Variants in STXBP6 observed in about 807,000 individuals in gnomAD.
STXBP6 encodes syntaxin binding protein 6.
A neutral mutation model predicts 26.9 loss-of-function variants in STXBP6; 21 were observed. That is an observed-to-expected ratio of 0.78 (90% CI 0.55 to 1.12). The LOEUF (loss-of-function observed/expected upper bound fraction) is 1.12. STXBP6 is among the 50% of genes most tolerant of loss of function. The pLI, the probability that STXBP6 is intolerant of heterozygous loss-of-function variation, is 0.00. For missense variants in STXBP6, 232 were observed against 257.9 expected, an observed-to-expected ratio of 0.90 and a Z score of 0.69; for synonymous variants, 97 against 92.6, an observed-to-expected ratio of 1.05 and a Z score of -0.27.
chr14:24,914,955 C>T (rs897723711), intron 2 of STXBP6, among the ~76,000 whole-genome samples: 3 of 152,178 alleles, frequency 2.0e-5, no homozygotes, highest in African/African-American at 7.2e-5. Flanking sequence ...AGAAGCAAAA[C>T]ATTAGTCTCC....
At chr14:24,885,909 G>A (rs963692259) in intron 2 of STXBP6, among the ~76,000 whole-genome samples, 1 of 152,146 alleles carries the variant, frequency 6.6e-6, no homozygotes, top group African/African-American at 2.4e-5. Context: ...TATGGTTTTT[G>A]AGTCCCAGAA....
intron 1 of STXBP6, among the ~76,000 whole-genome samples, chr14:25,005,677 G>A (rs2074875173): frequency 6.6e-6 from 1 of 151,970 alleles, no homozygotes; most frequent in South Asian, 2.1e-4. Flanking sequence ...TTGCATAAAA[G>A]GGATTCGAAC....
At chr14:24,939,937 A>G (rs1317052942) in intron 2 of STXBP6, among the ~76,000 whole-genome samples, 1 of 152,192 alleles carries the variant, frequency 6.6e-6, no homozygotes, top group African/African-American at 2.4e-5. Flanking sequence ...ACAGAGCATA[A>G]CAAACTGAGT....
At chr14:25,003,623 A>G (rs1223187173) in intron 1 of STXBP6, among the ~76,000 whole-genome samples, 1 of 152,240 alleles carries the variant, frequency 6.6e-6, no homozygotes, top group Non-Finnish European at 1.5e-5. Context: ...TTTTGCTGAG[A>G]AAAGCATAAG....
intron 1 of STXBP6, among the ~76,000 whole-genome samples, chr14:24,984,126 G>A (rs8008156): frequency 6.6e-6 from 1 of 152,126 alleles, no homozygotes; most frequent in African/African-American, 2.4e-5. Context: ...CAGCTACTTG[G>A]GGGGCTGAGG....
intron 1 of STXBP6, among the ~76,000 whole-genome samples, chr14:25,021,870 T>C (rs947883011): frequency 1.1e-4 from 17 of 152,168 alleles, no homozygotes; most frequent in African/African-American, 3.9e-4. Context: ...CAACTTTCAT[T>C]TCCCTCTCAA....
intron 2 of STXBP6, among the ~76,000 whole-genome samples, chr14:24,956,166 C>T (rs2073338570): frequency 6.6e-6 from 1 of 151,496 alleles, no homozygotes; most frequent in Admixed American, 6.6e-5. Context: ...TCACATGGGT[C>T]AATGGAATTA....
chr14:25,047,489 C>T (rs967797623), intron 1 of STXBP6, among the ~76,000 whole-genome samples: 1 of 152,204 alleles, frequency 6.6e-6, no homozygotes, highest in African/African-American at 2.4e-5. Flanking sequence ...CTTACTATCT[C>T]CCACTCCATA....
At chr14:24,862,262 T>C (rs573814801) in intron 2 of STXBP6, among the ~76,000 whole-genome samples, 7 of 152,236 alleles carry the variant, frequency 4.6e-5, no homozygotes, top group African/African-American at 1.7e-4. Context: ...CCTCCCAGAG[T>C]GTTAGGATTA....
At chr14:24,944,351 T>C (rs1182953065) in intron 2 of STXBP6, among the ~76,000 whole-genome samples, 1 of 152,196 alleles carries the variant, frequency 6.6e-6, no homozygotes, top group Non-Finnish European at 1.5e-5. Flanking sequence ...CTTCTTGCTT[T>C]AAAACATCCA....
intron 2 of STXBP6, 22 bp from the exon 3 acceptor site, chr14:24,857,179 G>A (rs1397502038): frequency 1.9e-6 from 3 of 1,612,154 alleles, no homozygotes; most frequent in African/African-American, 2.7e-5. Context: ...AGATCACTCA[G>A]ATTAGTGCAC....
chr14:24,950,680 A>T (rs10483291), intron 2 of STXBP6, among the ~76,000 whole-genome samples: 25,371 of 152,106 alleles, frequency 0.17, 3,023 homozygotes, highest in East Asian at 0.37. Context: ...TCTGTCAATA[A>T]TTACCATGTT....
chr14:24,972,608 T>C (rs564439860), intron 2 of STXBP6, among the ~76,000 whole-genome samples: 1 of 152,374 alleles, frequency 6.6e-6, no homozygotes, highest in African/African-American at 2.4e-5. Context: ...ACTAGGCCGA[T>C]GTTCAGCTCA....
rs562670587 is a variant in STXBP6, at chr14:24,935,089, C to T, written c.154+39576G>A. 2.6e-5 allele frequency among the ~76,000 whole-genome samples: 4 copies of T among 152,030 alleles called. No individual in the cohort carries two copies. In the East Asian group the frequency reaches 7.7e-4, roughly 29 times the overall value. ...GATCTTCCCACAGAGAAATGTGCAC[C>T]ATCTAGAAATGTATTTTATAAAAAT... is the stretch of plus-strand genomic sequence containing the variant. On this transcript the variant is annotated intron_variant, in intron 2 of 5. Transcript: ENST00000323944.
intron 1 of STXBP6, among the ~76,000 whole-genome samples, chr14:25,002,355 A>C (rs912398898): frequency 8.6e-6 from 1 of 115,912 alleles, no homozygotes. Flanking sequence ...TTAAATTCTT[A>C]TGACTTTTTT....
intron 2 of STXBP6, among the ~76,000 whole-genome samples, chr14:24,904,796 G>A (rs1214101526): frequency 6.6e-6 from 1 of 152,202 alleles, no homozygotes; most frequent in African/African-American, 2.4e-5. Context: ...AGAACTGGAA[G>A]AAAAATTTCT....
In STXBP6 at chr14:24,809,459, G is replaced by T. The variant is rs1315722629; in HGVS notation, c.*3250C>A. ...ATAGATGCCCATTGTCTAAATTAAGGTTAGCTCTTTAGTCTTTATTACATT... is the reference window on the plus strand; with the variant it reads ...ATAGATGCCCATTGTCTAAATTAAGTTTAGCTCTTTAGTCTTTATTACATT... On this transcript the variant is annotated 3_prime_UTR_variant, in exon 6 of 6. Coordinates refer to ENST00000323944, the MANE Select transcript of STXBP6 (RefSeq NM_001394410.1). 6.6e-6 allele frequency among the ~76,000 whole-genome samples: 1 copy of T among 151,912 alleles called. No individual in the cohort carries two copies. Among genetic ancestry groups the T allele is most frequent in the Admixed American group, 6.6e-5 (1 of 15,246 alleles).
At chr14:24,822,608 G>A (rs1487500816) in intron 4 of STXBP6, among the ~76,000 whole-genome samples, 2 of 152,072 alleles carry the variant, frequency 1.3e-5, no homozygotes, top group East Asian at 1.9e-4. Context: ...TTTACCTCAC[G>A]TGCCTACTGT....
At chr14:25,025,367 TGTCTGCC>T (rs2075331811) in intron 1 of STXBP6, among the ~76,000 whole-genome samples, 2 of 152,254 alleles carry the variant, frequency 1.3e-5, no homozygotes, top group African/African-American at 4.8e-5. Flanking sequence ...TTCTTGGTGG[TGTCTGCC>T]CTAAGGCTGC....
Sources: gnomAD v4.1 joint callset for allele counts (sites outside exome capture counted in the v4.1 genomes callset) on GRCh38, gnomAD v4.1.1 for gene constraint, MANE v1.5 for transcripts, NCBI Gene and HGNC (gene_info 2026-07-23, HGNC 2026-07-21) for gene names.